The following TMEM38B variants were observed in gnomAD, a reference collection of about 807,000 sequenced individuals.
The protein encoded by TMEM38B is trimeric intracellular cation channel type B.
In TMEM38B, 24 loss-of-function variants were observed where a neutral mutation model predicts 28.7. That is an observed-to-expected ratio of 0.84 (90% CI 0.61 to 1.18). The LOEUF (loss-of-function observed/expected upper bound fraction) is 1.18, where lower values mean the gene tolerates loss of function less well. TMEM38B is among the 50% of genes most tolerant of loss of function. The probability of loss-of-function intolerance (pLI) is 0.00; values close to 1 mark genes in which losing one functional copy is unlikely to be tolerated. For missense variants in TMEM38B, 380 were observed against 350.9 expected, an observed-to-expected ratio of 1.08 and a Z score of -0.66; for synonymous variants, 131 against 127.7, an observed-to-expected ratio of 1.03 and a Z score of -0.17.
intron 4 of TMEM38B, among the ~76,000 whole-genome samples, chr9:105,740,493 G>A (rs1009204365): frequency 2.0e-5 from 3 of 151,766 alleles, no homozygotes; most frequent in Non-Finnish European, 4.4e-5. Flanking sequence ...TCTTGAACTC[G>A]TGAGGTCAAG....
Position 105,744,038 on chromosome 9 carries a change from C to CT in TMEM38B, c.543-4026dup, listed in dbSNP as rs897767833. Among the ~76,000 whole-genome samples the CT allele has an allele frequency of 6.2e-4, 94 of 151,138 alleles. 2 individuals carry two copies. Among genetic ancestry groups the CT allele is most frequent in the Non-Finnish European group, 4.3e-4 (29 of 67,696 alleles). ...TTAACTTTGTATAACTCAGCATTTT[C>CT]TTTTTTTTTATTTTTGCTAAGTTTA... On this transcript the variant is annotated intron_variant, in intron 4 of 5. Transcript: ENST00000374692.
chr9:105,704,535 T>C (rs755178559), intron 1 of TMEM38B, among the ~76,000 whole-genome samples: 2 of 152,162 alleles, frequency 1.3e-5, no homozygotes, highest in Non-Finnish European at 2.9e-5. Context: ...AGCCAGTTGT[T>C]GTTGTTGTTT....
intron 5 of TMEM38B, among the ~76,000 whole-genome samples, chr9:105,770,413 TA>T (rs1489988252): frequency 1.3e-5 from 2 of 152,164 alleles, no homozygotes; most frequent in African/African-American, 4.8e-5. Context: ...CAGGTTTATT[TA>T]ATTATTCCAC....
chr9:105,716,971 A>T (rs1304833620), intron 2 of TMEM38B, among the ~76,000 whole-genome samples: 1 of 152,140 alleles, frequency 6.6e-6, no homozygotes, highest in East Asian at 1.9e-4. Flanking sequence ...CAGATTTTGG[A>T]GAGTCAGAAG....
chr9:105,721,486 C>G (rs761605385), intron 2 of TMEM38B, 51 bp from the exon 3 acceptor site: 1 of 1,306,080 alleles, frequency 7.7e-7, no homozygotes, highest in Non-Finnish European at 1.0e-6. Context: ...ATTTTAATTT[C>G]TGTTCTTCTG....
chr9:105,719,880 C>A (rs1836259006), intron 2 of TMEM38B, among the ~76,000 whole-genome samples: 1 of 151,826 alleles, frequency 6.6e-6, no homozygotes, highest in Admixed American at 6.6e-5. Flanking sequence ...AAAACAAATC[C>A]CCCTTTCTTA....
At chr9:105,703,234 C>A (rs561260346) in intron 1 of TMEM38B, among the ~76,000 whole-genome samples, 2 of 152,266 alleles carry the variant, frequency 1.3e-5, no homozygotes, top group East Asian at 3.9e-4. Context: ...CCTGTAATCC[C>A]AGCACTTTGG....
intron 2 of TMEM38B, 32 bp from the exon 3 acceptor site, chr9:105,721,504 TA>T: frequency 6.9e-7 from 1 of 1,448,134 alleles, no homozygotes; most frequent in Non-Finnish European, 9.3e-7. Context: ...CTGATTCCAT[TA>T]ATATATTAAA....
chr9:105,761,754 T>C (rs1297858922), intron 5 of TMEM38B, among the ~76,000 whole-genome samples: 3 of 152,184 alleles, frequency 2.0e-5, no homozygotes, highest in East Asian at 3.8e-4. Context: ...GCCTAACTTA[T>C]ACTAATTAAA....
intron 5 of TMEM38B, chr9:105,759,101 A>C (rs1837939541): frequency 5.1e-6 from 4 of 787,812 alleles, no homozygotes; most frequent in Non-Finnish European, 9.4e-6. Context: ...ATTGGCCAAG[A>C]AGTGATGATA....
chr9:105,759,380 AAG>A (rs1186097458), intron 5 of TMEM38B: 2 of 1,416,106 alleles, frequency 1.4e-6, no homozygotes, highest in East Asian at 4.6e-5. Context: ...ATAGAGAAAA[AAG>A]AAGAATAAGA....
intron 1 of TMEM38B, among the ~76,000 whole-genome samples, chr9:105,704,976 A>G (rs1835604030): frequency 6.6e-6 from 1 of 152,026 alleles, no homozygotes; most frequent in Non-Finnish European, 1.5e-5. Context: ...TTCTCAGTGT[A>G]TCATATCAGG....
intron 4 of TMEM38B, among the ~76,000 whole-genome samples, chr9:105,747,555 GT>G (rs1191266014): frequency 6.6e-6 from 1 of 152,056 alleles, no homozygotes; most frequent in Non-Finnish European, 1.5e-5. Context: ...TTTTTGAAGG[GT>G]TTTTTGTGTC....
intron 4 of TMEM38B, among the ~76,000 whole-genome samples, chr9:105,741,473 T>G (rs931442473): frequency 6.6e-6 from 1 of 152,214 alleles, no homozygotes; most frequent in Non-Finnish European, 1.5e-5. Flanking sequence ...TATATTGTTA[T>G]AAGCAAAATG....
rs1826707138 is a variant in TMEM38B at position 105,775,816 on chromosome 9, A to G, written c.*1736A>G. ...TATTAAAATAAGTTATTTAGCACCA[A>G]TGGAGTATTACATTATTTTTATGTT... On this transcript the variant is annotated 3_prime_UTR_variant, in exon 6 of 6. Coordinates refer to ENST00000374692, the MANE Select transcript of TMEM38B (RefSeq NM_018112.3). The G allele has an allele frequency of 6.6e-6, 1 of 152,140 alleles. No homozygotes were observed. Among genetic ancestry groups the G allele is most frequent in the Non-Finnish European group, 1.5e-5 (1 of 68,026 alleles). 9.4% of individuals were successfully genotyped at this position (152,140 alleles called of 1,614,324 possible).
chr9:105,725,763 G>C (rs1411839191), intron 4 of TMEM38B, among the ~76,000 whole-genome samples: 1 of 152,066 alleles, frequency 6.6e-6, no homozygotes, highest in African/African-American at 2.4e-5. Flanking sequence ...ACTTGTATAG[G>C]GTACTTAGCA....
intron 2 of TMEM38B, 120 bp downstream of exon 2, chr9:105,705,873 C>A: frequency 4.0e-6 from 4 of 992,246 alleles, no homozygotes; most frequent in Non-Finnish European, 5.7e-6. Flanking sequence ...AATGCATCTG[C>A]AAGGAAGGAA....
At chr9:105,723,320 C>T (rs867337343) in intron 4 of TMEM38B, among the ~76,000 whole-genome samples, 39 of 152,156 alleles carry the variant, frequency 2.6e-4, no homozygotes, top group African/African-American at 9.4e-4. Context: ...CTCTTAGGCT[C>T]AAGTAATCCT....
chr9:105,774,038 C>G lies in TMEM38B; in HGVS notation c.834C>G (p.Ala278=), dbSNP rs745484767. The change falls in exon 6 of 6, where the codon GCC becomes GCG. Residue 278 remains alanine, a synonymous_variant. Coordinates refer to ENST00000374692, the MANE Select transcript of TMEM38B (RefSeq NM_018112.3). The part of the protein sequence containing the change: ...GSLASKPVDV[A]SDNVKKKHTK... ...TGGCCTCAAAGCCGGTAGATGTTGC[C>G]TCAGATAATGTTAAAAAGAAACATA... is the stretch of plus-strand genomic sequence containing the variant. 4.3e-6 allele frequency: 7 copies of G among 1,613,592 alleles called. No homozygotes were observed. Among genetic ancestry groups the G allele is most frequent in the South Asian group, 2.2e-5 (2 of 91,060 alleles).
Sources: gnomAD v4.1 joint callset for allele counts (sites outside exome capture counted in the v4.1 genomes callset) on GRCh38, gnomAD v4.1.1 for gene constraint, MANE v1.5 for transcripts, NCBI Gene and HGNC (gene_info 2026-07-23, HGNC 2026-07-21) for gene names.